RAB3IL1: variants seen among roughly 807,000 people sequenced by gnomAD.
RAB3IL1 encodes the protein RAB3A interacting protein like 1, also known as guanine nucleotide exchange factor for Rab-3A.
In RAB3IL1, 37 loss-of-function variants were observed where a neutral mutation model predicts 49.2. The observed-to-expected ratio is 0.75, with a 90% confidence interval of 0.58 to 0.99. The LOEUF (loss-of-function observed/expected upper bound fraction) is 0.99. RAB3IL1 is among the 50% of genes least tolerant of loss of function. RAB3IL1 has a pLI of 0.00. For synonymous variants in RAB3IL1, 193 were observed against 213.9 expected (o/e 0.90, Z 0.85); for missense variants, 484 against 513.0 (o/e 0.94, Z 0.55).
Position 61,902,378 on chromosome 11 carries a change from C to A in RAB3IL1, c.999+64G>T, listed in dbSNP as rs139626798. Reference sequence around the variant, plus strand: ...GCTATTCATACTCCCAGGCCCAGGGCCCAGTGTCCCAGCACCCAGGTGGCC... The same window carrying A: ...GCTATTCATACTCCCAGGCCCAGGGACCAGTGTCCCAGCACCCAGGTGGCC... On this transcript the variant is annotated intron_variant, in intron 8 of 9. Coordinates refer to ENST00000394836, the MANE Select transcript of RAB3IL1 (RefSeq NM_013401.4). The A allele has an allele frequency of 8.0e-4, 1,102 of 1,369,538 alleles. 2 individuals carry two copies. Among genetic ancestry groups the A allele is most frequent in the Middle Eastern group, 6.4e-3 (36 of 5,636 alleles). 84.8% of individuals were successfully genotyped at this position (1,369,538 alleles called of 1,614,324 possible).
Position 61,906,657 on chromosome 11 carries a change from C to A in RAB3IL1, c.466G>T (p.Ala156Ser), listed in dbSNP as rs369358086. The stretch of plus-strand genomic sequence containing the variant: ...GACGTGATGACCAGCGTCTTCAAGG[C>A]TGTCACCTCTGCCTGCAGCATGTCG... Reference protein sequence around the residue: ...KIDMLQAEVTALKTLVITSTP... With the variant: ...KIDMLQAEVTSLKTLVITSTP... Residue 156 changes from alanine (A) to serine (S), a missense_variant, in exon 5 of 10, where the codon GCC becomes TCC. Physicochemically the swap from Ala to Ser is moderately conservative, Grantham distance 99. Coordinates refer to ENST00000394836, the MANE Select transcript of RAB3IL1 (RefSeq NM_013401.4). The surrounding 1 kb of genome is among the most constrained non-coding windows in gnomAD (Gnocchi z 4.6). 1 of 1,610,232 alleles carries A rather than the reference C, an allele frequency of 6.2e-7. No individual in the cohort carries two copies. Among genetic ancestry groups the A allele is most frequent in the East Asian group, 2.2e-5 (1 of 44,790 alleles).
intron 4 of RAB3IL1, 145 bp downstream of exon 4, chr11:61,907,248 C>T (rs1348827548): frequency 2.5e-6 from 2 of 799,328 alleles, no homozygotes; most frequent in East Asian, 2.7e-5. Flanking sequence ...CCCTTCCCTT[C>T]CCTCCCTGGG....
At chr11:61,919,364 G>A (rs1271877812), upstream of RAB3IL1, among the ~76,000 whole-genome samples, 2 of 152,214 alleles carry the variant, frequency 1.3e-5, no homozygotes, top group Admixed American at 6.5e-5. Context: ...AAAATAGCCT[G>A]TCATCCATGC....
chr11:61,942,685 T>G, the RAB3IL1 span, among the ~76,000 whole-genome samples: 1 of 152,074 alleles, frequency 6.6e-6, no homozygotes, highest in South Asian at 2.1e-4. Context: ...TATACAAAAA[T>G]CAGCTGTATT....
At chr11:61,942,012 A>C in the RAB3IL1 span, among the ~76,000 whole-genome samples, 2 of 151,974 alleles carry the variant, frequency 1.3e-5, no homozygotes, top group Non-Finnish European at 2.9e-5. Context: ...GAAATTTGAG[A>C]CCAGCCTGGC....
At chr11:61,925,219 C>T (rs1443929859), upstream of RAB3IL1, among the ~76,000 whole-genome samples, 8 of 152,176 alleles carry the variant, frequency 5.3e-5, no homozygotes, top group African/African-American at 1.9e-4. Flanking sequence ...CAGATTTTAA[C>T]CCAGGTTTGT....
At chr11:61,901,599 A>G (rs757128501) in intron 8 of RAB3IL1, among the ~76,000 whole-genome samples, 7 of 152,226 alleles carry the variant, frequency 4.6e-5, no homozygotes, top group Non-Finnish European at 8.8e-5. Context: ...AGCCGACTGG[A>G]GAGTGGCCCT....
At chr11:61,916,450 G>A (rs1939692591) in intron 1 of RAB3IL1, among the ~76,000 whole-genome samples, 1 of 152,036 alleles carries the variant, frequency 6.6e-6, no homozygotes, top group Non-Finnish European at 1.5e-5. Context: ...CCCTAGCATC[G>A]CAGCTCAACC....
intron 7 of RAB3IL1, among the ~76,000 whole-genome samples, chr11:61,902,966 G>C (rs112082079): frequency 0.024 from 3,611 of 151,982 alleles, 92 homozygotes; most frequent in African/African-American, 0.068. Flanking sequence ...CTTCATCCAT[G>C]CAGGCCTTCT....
upstream of RAB3IL1, chr11:61,917,583 C>T (rs1477947558): frequency 6.5e-6 from 7 of 1,072,590 alleles, no homozygotes; most frequent in African/African-American, 6.8e-5. Flanking sequence ...GAGGGGGGAG[C>T]GGCCCGAGGA....
chr11:61,916,845 G>T (rs951073968), intron 1 of RAB3IL1, among the ~76,000 whole-genome samples: 5 of 152,220 alleles, frequency 3.3e-5, no homozygotes, highest in South Asian at 2.1e-4. Flanking sequence ...GCCGGGGCGG[G>T]GGGGGTTCCC....
upstream of RAB3IL1, among the ~76,000 whole-genome samples, chr11:61,917,919 C>T (rs1939781176): frequency 6.6e-6 from 1 of 152,198 alleles, no homozygotes. Context: ...CCCTCCTTCC[C>T]TAGGCTGTCT....
At chr11:61,930,942 A>G in the RAB3IL1 span, among the ~76,000 whole-genome samples, 1 of 152,236 alleles carries the variant, frequency 6.6e-6, no homozygotes, top group African/African-American at 2.4e-5. Flanking sequence ...AAAATATTTA[A>G]AGCAAAAATA....
Position 61,917,376 on chromosome 11 carries a change from C to T in RAB3IL1, c.-9G>A, listed in dbSNP as rs1383068298. Reference sequence around the variant, plus strand: ...ACCTACCCGCTCCACATCCCGGCGCCTCGGGGCGCCCAGGCGTCCGTTCCC... The same window carrying T: ...ACCTACCCGCTCCACATCCCGGCGCTTCGGGGCGCCCAGGCGTCCGTTCCC... On this transcript the variant is annotated 5_prime_UTR_variant, in exon 1 of 10. Transcript: ENST00000394836. 2 of 1,249,620 alleles carry T rather than the reference C, an allele frequency of 1.6e-6. No individual in the cohort carries two copies. The highest frequency in any genetic ancestry group is 2.0e-6 in the Non-Finnish European group (2 of 999,006). The allele number at this position is 1,249,620 out of a possible 1,614,324, so 77.4% of individuals were successfully genotyped here. A position where few individuals can be genotyped will look rare whatever the true frequency, so the allele number is the denominator to read the frequency against.
In RAB3IL1 at chr11:61,908,252, G is replaced by C; in HGVS notation, c.66C>G (p.Pro22=). ...CTTGGCAGGGGTCCGTGCTCTTCCA[G>C]GGGACCGGGACAGCTGCAAGGGGCG... The part of the protein sequence containing the change: ...LPPPLAAVPV[P]WKSTDPCQGH... The change falls in exon 2 of 10, where the codon CCC becomes CCG. Residue 22 remains proline (P), a synonymous_variant. Transcript: ENST00000394836. 2.6e-6 allele frequency: 4 copies of C among 1,528,496 alleles called. No individual in the cohort carries two copies. The highest frequency in any genetic ancestry group is 3.5e-6 in the Non-Finnish European group (4 of 1,136,942). The allele number at this position is 1,528,496 out of a possible 1,614,324, so 94.7% of individuals were successfully genotyped here. A position where few individuals can be genotyped will look rare whatever the true frequency, so the allele number is the denominator to read the frequency against.
At chr11:61,927,371 G>T in the RAB3IL1 span, among the ~76,000 whole-genome samples, 1 of 152,146 alleles carries the variant, frequency 6.6e-6, no homozygotes, top group African/African-American at 2.4e-5. Flanking sequence ...ATTCCCTATA[G>T]CAATGCAAAA....
At chr11:61,933,524 A>G in the RAB3IL1 span, among the ~76,000 whole-genome samples, 39 of 152,292 alleles carry the variant, frequency 2.6e-4, 1 homozygote, top group South Asian at 7.7e-3. Context: ...TGTTGTTTAG[A>G]GTCACGTAGT....
the RAB3IL1 span, among the ~76,000 whole-genome samples, chr11:61,931,253 C>G: frequency 6.6e-6 from 1 of 152,182 alleles, no homozygotes; most frequent in Non-Finnish European, 1.5e-5. Flanking sequence ...GGGCCAGTAG[C>G]TGAATAAGAG....
upstream of RAB3IL1, among the ~76,000 whole-genome samples, chr11:61,922,959 T>TGGG (rs1321193867): frequency 6.6e-6 from 1 of 152,004 alleles, no homozygotes; most frequent in Non-Finnish European, 1.5e-5. Flanking sequence ...ATGTGAAGGG[T>TGGG]GGGGGTCTCC....
Sources: allele counts gnomAD v4.1 joint callset (sites outside exome capture counted in the v4.1 genomes callset), GRCh38; gene constraint gnomAD v4.1.1; non-coding constraint Gnocchi (gnomAD v3.1); transcripts MANE v1.5; gene names NCBI Gene and HGNC (gene_info 2026-07-23, HGNC 2026-07-21).